Variants in COL24A1 observed in about 807,000 individuals in gnomAD.
The protein encoded by COL24A1 is collagen type XXIV alpha 1 chain.
COL24A1 carries 224 observed loss-of-function variants against 253.9 expected under a neutral mutation model. The observed-to-expected ratio is 0.88, with a 90% CI of 0.79 to 0.99. The LOEUF (loss-of-function observed/expected upper bound fraction) is 0.99. COL24A1 is among the 50% of genes least tolerant of loss of function. The pLI is 0.00. For synonymous variants in COL24A1, 685 were observed against 673.7 expected, an observed-to-expected ratio of 1.02 and a Z score of -0.26; for missense variants, 2,131 against 2,068.5, an observed-to-expected ratio of 1.03 and a Z score of -0.59.
intron 3 of COL24A1, among the ~76,000 whole-genome samples, chr1:86,120,275 GC>G (rs1426829220): frequency 1.3e-5 from 2 of 152,150 alleles, no homozygotes; most frequent in Non-Finnish European, 2.9e-5. Context: ...GGCAACAAAA[GC>G]CAAAATAGAC....
chr1:85,818,581 A>G (rs986721337), intron 45 of COL24A1, among the ~76,000 whole-genome samples: 1 of 152,270 alleles, frequency 6.6e-6, no homozygotes, highest in African/African-American at 2.4e-5. Context: ...AGAGAAGAGC[A>G]TACTTGTGAT....
At position 85,838,589 on chromosome 1, in the gene COL24A1, T is replaced by C. The variant is rs1676269140; in HGVS notation, c.3677A>G (p.Tyr1226Cys). ...AGGGGTATAACTTGCAATTACCTTA[T>C]ATCCCTCTGCTCCAGGCTCTCCTCT... ...GERGEPGAEG[Y>C]KGHVGVPGLR... Residue 1226 changes from tyrosine (Y) to cysteine (C), a missense_variant, in exon 43 of 60, where the codon TAT becomes TGT. Coordinates refer to ENST00000370571, the MANE Select transcript of COL24A1 (RefSeq NM_152890.7). 4 of 1,613,782 alleles carry C rather than the reference T, an allele frequency of 2.5e-6. No homozygotes were observed. Among genetic ancestry groups the C allele is most frequent in the Non-Finnish European group, 3.4e-6 (4 of 1,179,678 alleles).
At chr1:85,759,738 G>A (rs187948939) in intron 55 of COL24A1, among the ~76,000 whole-genome samples, 1 of 152,246 alleles carries the variant, frequency 6.6e-6, no homozygotes, top group East Asian at 1.9e-4. Flanking sequence ...TTTGCTCTGA[G>A]CAAAAACCTC....
chr1:86,127,765 T>C (rs1407493030), intron 2 of COL24A1, among the ~76,000 whole-genome samples: 1 of 152,090 alleles, frequency 6.6e-6, no homozygotes, highest in Admixed American at 6.6e-5. Flanking sequence ...TATTTGATAA[T>C]GCATGCTTAT....
intron 2 of COL24A1, among the ~76,000 whole-genome samples, chr1:86,141,684 C>G (rs1651102549): frequency 6.6e-6 from 1 of 151,756 alleles, no homozygotes; most frequent in Non-Finnish European, 1.5e-5. Flanking sequence ...AGTTGTTAAG[C>G]ATATTTTTAG....
chr1:85,847,530 C>A, intron 39 of COL24A1, 135 bp downstream of exon 39: 1 of 599,266 alleles, frequency 1.7e-6, no homozygotes, highest in Non-Finnish European at 2.9e-6. Context: ...TCTCCACATC[C>A]CATGGAGGTA....
intron 18 of COL24A1, 65 bp from the exon 19 acceptor site, chr1:86,017,269 C>T: frequency 1.5e-6 from 2 of 1,341,018 alleles, no homozygotes; most frequent in Non-Finnish European, 2.0e-6. Context: ...AAAGAAGAAA[C>T]AGGCATATGG....
At chr1:86,021,077 T>C (rs887646900) in intron 18 of COL24A1, among the ~76,000 whole-genome samples, 3 of 152,102 alleles carry the variant, frequency 2.0e-5, no homozygotes, top group Admixed American at 2.0e-4. Flanking sequence ...AAGAATGGGG[T>C]AAAGTTCTGT....
chr1:85,920,241 G>A lies in COL24A1; in HGVS notation c.2563-8808C>T, dbSNP rs75061721. 4.2e-3 allele frequency among the ~76,000 whole-genome samples: 637 copies of A among 152,264 alleles called. 6 individuals are homozygous for A. Among genetic ancestry groups the A allele is most frequent in the African/African-American group, 0.013 (538 of 41,556 alleles). On this transcript the variant is annotated intron_variant, in intron 24 of 59. Transcript: ENST00000370571. The stretch of plus-strand genomic sequence containing the variant: ...AGAGATTATATCTGGTTGAAAACAT[G>A]AGAAAAGACTTTACAGAGAAGGCAG...
Position 85,819,809 on chromosome 1 carries a change from C to T in COL24A1, c.3790-1722G>A, listed in dbSNP as rs146735546. On this transcript the variant is annotated intron_variant, in intron 45 of 59. Coordinates refer to ENST00000370571, the MANE Select transcript of COL24A1 (RefSeq NM_152890.7). ...ACTGACGGCAATCTCTGAAAAGAGC[C>T]CCTTGCCCCTCATCCTACCCTTGAG... Among the ~76,000 whole-genome samples, 5 of 151,802 alleles carry T rather than the reference C, an allele frequency of 3.3e-5. No individual in the cohort carries two copies. In the East Asian group the frequency reaches 9.7e-4, roughly 29 times the overall value.
intron 34 of COL24A1, 105 bp from the exon 35 acceptor site, chr1:85,874,807 G>A (rs545645105): frequency 1.6e-6 from 2 of 1,252,834 alleles, no homozygotes; most frequent in East Asian, 2.4e-5. Flanking sequence ...GGGCCGTAGA[G>A]GGTACCTGTC....
chr1:86,033,188 C>T (rs1698722634), intron 13 of COL24A1, among the ~76,000 whole-genome samples: 1 of 152,030 alleles, frequency 6.6e-6, no homozygotes, highest in South Asian at 2.1e-4. Context: ...ACTCTTCATG[C>T]TAGTGATTTA....
At chr1:85,895,820 T>A (rs1251203617) in intron 31 of COL24A1, 38 bp downstream of exon 31, 1 of 1,569,734 alleles carries the variant, frequency 6.4e-7, no homozygotes, top group South Asian at 1.2e-5. Context: ...AAAATGCAGA[T>A]AAAAATTTTT....
At chr1:85,942,716 T>A (rs958204590) in intron 24 of COL24A1, among the ~76,000 whole-genome samples, 1 of 152,200 alleles carries the variant, frequency 6.6e-6, no homozygotes, top group African/African-American at 2.4e-5. Flanking sequence ...ATCCTGAAAG[T>A]TGAAGACACC....
At chr1:85,904,766 G>C (rs1365777681) in intron 28 of COL24A1, among the ~76,000 whole-genome samples, 1 of 152,080 alleles carries the variant, frequency 6.6e-6, no homozygotes, top group Non-Finnish European at 1.5e-5. Flanking sequence ...ATTATTATTT[G>C]TTTGGGGTTT....
chr1:86,047,280 A>G lies in COL24A1; in HGVS notation c.1906-411T>C, dbSNP rs150970232. ...AAACAAGGACACATTTAACCTGTGCACTGGCAATCTTGCAATCATATAGGA... is the reference window on the plus strand; with the variant it reads ...AAACAAGGACACATTTAACCTGTGCGCTGGCAATCTTGCAATCATATAGGA... On this transcript the variant is annotated intron_variant, in intron 11 of 59. Transcript: ENST00000370571. Among the ~76,000 whole-genome samples, 6 of 152,348 alleles carry G rather than the reference A, an allele frequency of 3.9e-5. No homozygotes were observed. In the East Asian group the frequency reaches 1.2e-3, roughly 29 times the overall value.
At position 86,125,153 on chromosome 1, in the gene COL24A1, A is replaced by G; in HGVS notation, c.1183T>C (p.Ser395Pro). Residue 395 changes from serine to proline, a missense_variant, in exon 3 of 60, where the codon TCT becomes CCT. Transcript: ENST00000370571. ...TGLSLFKKMP[S>P]ILPQIKQDTI... Reference sequence around the variant, plus strand: ...TCTTGTTTAATTTGTGGAAGAATAGATGGCATCTTCTTAAACAGTGACAGA... The same window carrying G: ...TCTTGTTTAATTTGTGGAAGAATAGGTGGCATCTTCTTAAACAGTGACAGA... 2 of 1,613,288 alleles carry G rather than the reference A, an allele frequency of 1.2e-6. No individual in the cohort carries two copies. The highest frequency in any genetic ancestry group is 4.5e-5 in the East Asian group (2 of 44,858).
At chr1:86,118,902 T>C (rs1014881134) in intron 3 of COL24A1, among the ~76,000 whole-genome samples, 1 of 151,892 alleles carries the variant, frequency 6.6e-6, no homozygotes, top group Non-Finnish European at 1.5e-5. Context: ...GAAAAACTAA[T>C]AGAGCAAGGG....
chr1:86,139,024 C>T (rs922270787), intron 2 of COL24A1, among the ~76,000 whole-genome samples: 1 of 152,024 alleles, frequency 6.6e-6, no homozygotes, highest in African/African-American at 2.4e-5. Flanking sequence ...TCTTAGTATG[C>T]TAATAAAATC....
Sources: gnomAD v4.1 joint callset for allele counts (sites outside exome capture counted in the v4.1 genomes callset) on GRCh38, gnomAD v4.1.1 for gene constraint, MANE v1.5 for transcripts, NCBI Gene and HGNC (gene_info 2026-07-23, HGNC 2026-07-21) for gene names.